The following PCDHGA4 variants were observed in gnomAD, a reference collection of about 807,000 sequenced individuals.
The protein encoded by PCDHGA4 is protocadherin gamma subfamily A, 4.
A neutral mutation model predicts 54.6 loss-of-function variants in PCDHGA4; 38 were observed. The observed-to-expected ratio is 0.70, with a 90% CI of 0.54 to 0.91. The LOEUF is 0.91. Ranked by LOEUF, PCDHGA4 falls within the 40% of genes least tolerant of loss-of-function variation. The probability of loss-of-function intolerance (pLI) is 0.00; values close to 1 mark genes in which losing one functional copy is unlikely to be tolerated. For synonymous variants in PCDHGA4, 511 were observed against 512.9 expected, an observed-to-expected ratio of 1.00 and a Z score of 0.05; for missense variants, 1,298 against 1,220.9, an observed-to-expected ratio of 1.06 and a Z score of -0.94.
Position 141,356,454 on chromosome 5 carries a change from T to C in PCDHGA4, c.1347T>C (p.Tyr449=). Residue 449 remains tyrosine (Y), a synonymous_variant, in exon 1 of 4, where the codon TAT becomes TAC. Coordinates refer to ENST00000571252, the MANE Select transcript of PCDHGA4 (RefSeq NM_018917.4). ...RTLDREEVSE[Y]NITVTATDQG... ...TGGACAGGGAAGAAGTCTCAGAATATAACATCACTGTAACTGCCACTGACC... is the reference window on the plus strand; with the variant it reads ...TGGACAGGGAAGAAGTCTCAGAATACAACATCACTGTAACTGCCACTGACC... 1 of 1,613,414 alleles carries C rather than the reference T, an allele frequency of 6.2e-7. No homozygotes were observed. The highest frequency in any genetic ancestry group is 8.5e-7 in the Non-Finnish European group (1 of 1,179,558).
intron 1 of PCDHGA4, chr5:141,419,779 GCGCCTGCTAGT>G: frequency 6.2e-7 from 1 of 1,614,064 alleles, no homozygotes; most frequent in Non-Finnish European, 8.5e-7. Flanking sequence ...CGGTCCGCCA[GCGCCTGCTAGT>G]CGCTGTAAGA....
chr5:141,362,114 T>A, intron 1 of PCDHGA4: 2 of 1,613,988 alleles, frequency 1.2e-6, no homozygotes, highest in Non-Finnish European at 1.7e-6. Context: ...ACGGCCACGC[T>A]GCACCTAATC....
chr5:141,363,373 G>GT (rs1231434540), intron 1 of PCDHGA4, among the ~76,000 whole-genome samples: 4 of 151,738 alleles, frequency 2.6e-5, no homozygotes, highest in Non-Finnish European at 5.9e-5. Flanking sequence ...CAATCAAGAG[G>GT]TTTTTCTATT....
chr5:141,433,358 C>CCTATCTAT (rs3074541), intron 1 of PCDHGA4: 29,853 of 503,480 alleles, frequency 0.059, 1,017 homozygotes, highest in East Asian at 0.071. Context: ...CTACTGTCTG[C>CCTATCTAT]CTATCTATCT....
chr5:141,415,387 G>A (rs1347191224), intron 1 of PCDHGA4: 2 of 1,614,168 alleles, frequency 1.2e-6, no homozygotes. Context: ...CGGCTTGACA[G>A]GTGTGTCCGG....
rs771162471 is a variant in PCDHGA4, at chr5:141,376,386, T to G, written c.2514+18765T>G. 81 of 1,614,116 alleles carry G rather than the reference T, an allele frequency of 5.0e-5. No individual in the cohort carries two copies. The highest frequency in any genetic ancestry group is 4.2e-4 in the South Asian group (38 of 91,094). On this transcript the variant is annotated intron_variant, in intron 1 of 3. Transcript: ENST00000571252. ...ACTGCAGACTCGCGTAAGAGTCATC[T>G]GATTTTCCCCCAGCCCAACTATGCC...
At chr5:141,481,722 G>A (rs546676646) in intron 1 of PCDHGA4, among the ~76,000 whole-genome samples, 1 of 152,214 alleles carries the variant, frequency 6.6e-6, no homozygotes, top group African/African-American at 2.4e-5. Flanking sequence ...GGGAGGCGGA[G>A]GCGGGCGGAT....
At chr5:141,389,173 T>C (rs1339910343) in intron 1 of PCDHGA4, 15 of 1,613,844 alleles carry the variant, frequency 9.3e-6, no homozygotes, top group Non-Finnish European at 1.2e-5. Context: ...AAGCCTCCCC[T>C]CTCCTCCAGT....
At chr5:141,393,746 A>G (rs1167040701) in intron 1 of PCDHGA4, 6 of 1,613,800 alleles carry the variant, frequency 3.7e-6, no homozygotes, top group South Asian at 1.1e-5. Context: ...ATTATGAAGA[A>G]TGTTCATTTT....
At chr5:141,361,527 C>A (rs780371360) in intron 1 of PCDHGA4, 1 of 1,614,060 alleles carries the variant, frequency 6.2e-7, no homozygotes, top group Admixed American at 1.7e-5. Context: ...TGGCAGAGAA[C>A]AATCCTCCTG....
chr5:141,360,645 C>T, intron 1 of PCDHGA4: 3 of 1,613,980 alleles, frequency 1.9e-6, no homozygotes, highest in Non-Finnish European at 2.5e-6. Flanking sequence ...TACAAAGATA[C>T]CACCTTAATG....
intron 1 of PCDHGA4, among the ~76,000 whole-genome samples, chr5:141,456,584 A>G (rs990911693): frequency 6.6e-6 from 1 of 152,212 alleles, no homozygotes; most frequent in Non-Finnish European, 1.5e-5. Flanking sequence ...TGAGCCTGTC[A>G]ATAATTTTGA....
At chr5:141,362,774 C>T (rs1265004246) in intron 1 of PCDHGA4, 13 of 610,680 alleles carry the variant, frequency 2.1e-5, no homozygotes, top group Non-Finnish European at 3.3e-5. Context: ...AGATATTGCA[C>T]TGTATTTCTT....
chr5:141,374,991 C>A, intron 1 of PCDHGA4: 1 of 1,614,036 alleles, frequency 6.2e-7, no homozygotes, highest in Non-Finnish European at 8.5e-7. Flanking sequence ...GAAATTTCAA[C>A]TTCTGCAAAT....
chr5:141,383,714 G>C, intron 1 of PCDHGA4: 1 of 1,613,972 alleles, frequency 6.2e-7, no homozygotes, highest in Non-Finnish European at 8.5e-7. Flanking sequence ...CTGGACGAGG[G>C]AGTCAATGGG....
intron 1 of PCDHGA4, chr5:141,383,629 C>G: frequency 6.2e-7 from 1 of 1,613,960 alleles, no homozygotes; most frequent in Non-Finnish European, 8.5e-7. Context: ...TGTCTTCTCT[C>G]TGCCTCAGTA....
Position 141,485,549 on chromosome 5 carries a change from G to A in PCDHGA4, c.2515-9258G>A. 6.2e-7 allele frequency: 1 copy of A among 1,614,030 alleles called. No homozygotes were observed. The highest frequency in any genetic ancestry group is 1.1e-5 in the South Asian group (1 of 91,068). On this transcript the variant is annotated intron_variant, in intron 1 of 3. Transcript: ENST00000571252. The surrounding 1 kb of genome is among the most constrained non-coding windows in gnomAD (Gnocchi z 5.7). ...CCGAGCAGAGGTAGAGATCGTAGATGTGAATGATCACGCCCCCCGTTTTCC... is the reference window on the plus strand; with the variant it reads ...CCGAGCAGAGGTAGAGATCGTAGATATGAATGATCACGCCCCCCGTTTTCC...
intron 1 of PCDHGA4, among the ~76,000 whole-genome samples, chr5:141,483,778 G>T (rs1012545478): frequency 1.6e-4 from 24 of 152,222 alleles, no homozygotes; most frequent in African/African-American, 5.8e-4. Context: ...ATTGGGGAAG[G>T]ATAAGAACTC....
chr5:141,427,693 C>A, intron 1 of PCDHGA4: 2 of 909,726 alleles, frequency 2.2e-6, no homozygotes, highest in East Asian at 2.5e-5. Context: ...GCCTCCATCC[C>A]ACAAGTCAGC....
Sources: allele counts gnomAD v4.1 joint callset (sites outside exome capture counted in the v4.1 genomes callset), GRCh38; gene constraint gnomAD v4.1.1; non-coding constraint Gnocchi (gnomAD v3.1); transcripts MANE v1.5; gene names NCBI Gene and HGNC (gene_info 2026-07-23, HGNC 2026-07-21).